LINGO1: variants seen among roughly 807,000 people sequenced by gnomAD.
The protein encoded by LINGO1 is leucine-rich repeat and immunoglobulin-like domain-containing nogo receptor-interacting protein 1.
In LINGO1, 11 loss-of-function variants were observed where a neutral mutation model predicts 37.3. The ratio of observed to expected loss-of-function variants is 0.29; its 90% CI spans 0.19 to 0.49. The LOEUF is 0.49. Ranked by LOEUF, LINGO1 falls within the 20% of genes least tolerant of loss-of-function variation. The probability of loss-of-function intolerance (pLI) is 0.99; values close to 1 mark genes in which losing one functional copy is unlikely to be tolerated. For synonymous variants in LINGO1, 387 were observed against 403.0 expected (o/e 0.96, Z 0.48); for missense variants, 585 against 878.2 (o/e 0.67, Z 4.22).
At chr15:77,628,594 A>G (rs1363681701) in intron 1 of LINGO1, among the ~76,000 whole-genome samples, 1 of 152,176 alleles carries the variant, frequency 6.6e-6, no homozygotes, top group Admixed American at 6.5e-5. Flanking sequence ...AAAAGAGGCA[A>G]CGGGACGGGG....
rs1039243613 is a variant in LINGO1 at position 77,672,529 on chromosome 15, T to C, written c.-13+4560A>G. On this transcript the variant is annotated intron_variant, in intron 3 of 3. Transcript: ENST00000559893. ...GGGGTGTCAGGGGGCGCTCTGTGCC[T>C]GGAGACCTTCCAGCCTCCAGAATCC... 2.0e-5 allele frequency among the ~76,000 whole-genome samples: 3 copies of C among 152,166 alleles called. No individual in the cohort carries two copies. In the East Asian group the frequency reaches 5.8e-4, roughly 29 times the overall value.
chr15:77,716,043 C>T (rs1170477469), intron 2 of LINGO1, among the ~76,000 whole-genome samples: 1 of 152,218 alleles, frequency 6.6e-6, no homozygotes, highest in East Asian at 1.9e-4. Context: ...AGCCACTTAA[C>T]AGGCGACCAG....
chr15:77,743,818 C>G (rs12914292), intron 1 of LINGO1, among the ~76,000 whole-genome samples: 24,080 of 149,494 alleles, frequency 0.16, 2,865 homozygotes, highest in African/African-American at 0.35. Context: ...AGCCAGACTG[C>G]GGGGGTGGGG....
intron 1 of LINGO1, among the ~76,000 whole-genome samples, chr15:77,747,989 G>A (rs770708571): frequency 3.9e-5 from 6 of 152,332 alleles, no homozygotes; most frequent in Admixed American, 1.3e-4. Flanking sequence ...GCCAAAGGGC[G>A]CACAGCTGGT....
intron 2 of LINGO1, among the ~76,000 whole-genome samples, chr15:77,684,787 C>T (rs561713856): frequency 6.6e-6 from 1 of 152,286 alleles, no homozygotes; most frequent in Admixed American, 6.5e-5. Context: ...CTCCCATGCA[C>T]CTACTGTGTG....
intron 3 of LINGO1, among the ~76,000 whole-genome samples, chr15:77,666,061 C>A (rs1400963976): frequency 1.3e-5 from 2 of 152,222 alleles, no homozygotes; most frequent in Non-Finnish European, 2.9e-5. Context: ...GTGCTTGGAC[C>A]CTCCAGAGGG....
intron 3 of LINGO1, chr15:77,642,054 A>G (rs2074519304): frequency 2.2e-6 from 1 of 450,436 alleles, no homozygotes; most frequent in Admixed American, 2.4e-5. Flanking sequence ...CTAAGAGCAT[A>G]TGCGTGTGAC....
At chr15:77,775,767 T>C (rs1235429320) in intron 1 of LINGO1, among the ~76,000 whole-genome samples, 1 of 151,642 alleles carries the variant, frequency 6.6e-6, no homozygotes, top group African/African-American at 2.4e-5. Flanking sequence ...TTCCTAAGTC[T>C]GAAAATTTCT....
intron 1 of LINGO1, among the ~76,000 whole-genome samples, chr15:77,779,748 T>C (rs1157191157): frequency 6.6e-6 from 1 of 152,172 alleles, no homozygotes; most frequent in Non-Finnish European, 1.5e-5. Flanking sequence ...GCCCAGTTCC[T>C]AACAGGGCCA....
Position 77,804,832 on chromosome 15 carries a change from G to A in LINGO1, c.-457-8779C>T, listed in dbSNP as rs568027551. On this transcript the variant is annotated intron_variant, in intron 1 of 5. Transcript: ENST00000562933. ...GCCCCAGGTCCCTCCTGGGTACTGC[G>A]GTTACCACCTCCCACGTTATAGTGA... Among the ~76,000 whole-genome samples the A allele has an allele frequency of 3.3e-5, 5 of 152,286 alleles. No homozygotes were observed. The South Asian group carries it at 8.3e-4, about 25-fold the overall frequency.
intron 1 of LINGO1, among the ~76,000 whole-genome samples, chr15:77,809,936 C>T (rs2076989912): frequency 6.6e-6 from 1 of 152,134 alleles, no homozygotes; most frequent in Non-Finnish European, 1.5e-5. Context: ...CGCTGCAGGG[C>T]TGGAGAGCAG....
Position 77,723,633 on chromosome 15 carries a change from G to A in LINGO1, c.-195+11359C>T, listed in dbSNP as rs371257900. ...GAGTGCACAGCCAAGTCCTGGACCC[G>A]GGCCCCACCCTAGTCCAGGCTCAGC... On this transcript the variant is annotated intron_variant, in intron 2 of 3. Coordinates refer to the LINGO1 transcript ENST00000561686. 1.4e-4 allele frequency among the ~76,000 whole-genome samples: 22 copies of A among 152,228 alleles called. No homozygotes were observed. In the East Asian group the frequency reaches 2.5e-3, roughly 17 times the overall value.
intron 2 of LINGO1, among the ~76,000 whole-genome samples, chr15:77,732,437 G>A (rs529390392): frequency 1.1e-3 from 174 of 152,220 alleles, no homozygotes; most frequent in Non-Finnish European, 2.0e-3. Flanking sequence ...TGAAGGTAGC[G>A]CTAGCTTGCG....
In LINGO1 at chr15:77,704,674, C is replaced by T. The variant is rs116151897; in HGVS notation, c.-194-13773G>A. 1.2e-3 allele frequency among the ~76,000 whole-genome samples: 183 copies of T among 151,906 alleles called. 1 individual carries two copies. Among genetic ancestry groups the T allele is most frequent in the African/African-American group, 4.3e-3 (178 of 41,404 alleles). ...CTGACCCTGGTCAGACACTGAGCCCCGAGCCTAGTCACAGACTGGGCTCGG... is the reference window on the plus strand; with the variant it reads ...CTGACCCTGGTCAGACACTGAGCCCTGAGCCTAGTCACAGACTGGGCTCGG... On this transcript the variant is annotated intron_variant, in intron 2 of 3. Transcript: ENST00000561686.
intron 2 of LINGO1, among the ~76,000 whole-genome samples, chr15:77,720,280 G>A (rs758136415): frequency 1.3e-5 from 2 of 152,216 alleles, no homozygotes; most frequent in African/African-American, 4.8e-5. Flanking sequence ...AGTAAACGGC[G>A]TTTTTATTCT....
intron 1 of LINGO1, among the ~76,000 whole-genome samples, chr15:77,739,048 C>T (rs1343741575): frequency 1.3e-5 from 2 of 152,224 alleles, no homozygotes; most frequent in Non-Finnish European, 2.9e-5. Context: ...GGATAACAGG[C>T]CCAGCAGCCC....
chr15:77,630,292 C>G, intron 1 of LINGO1, among the ~76,000 whole-genome samples: 1 of 152,146 alleles, frequency 6.6e-6, no homozygotes, highest in East Asian at 1.9e-4. Context: ...CAGGAACACG[C>G]CCCAACCCCA....
chr15:77,810,114 G>T (rs1301044213), intron 1 of LINGO1, among the ~76,000 whole-genome samples: 1 of 151,968 alleles, frequency 6.6e-6, no homozygotes, highest in African/African-American at 2.4e-5. Flanking sequence ...CTATGGACAG[G>T]AGACCAGTCT....
rs368393487 is a variant in LINGO1 at position 77,757,704 on chromosome 15, G to A, written c.-256-22651C>T. On this transcript the variant is annotated intron_variant, in intron 1 of 3. Coordinates refer to the LINGO1 transcript ENST00000561686. ...GGACAGGGCAAAGAGAGCCAGCAGG[G>A]GCAGGGAGTTGTCCTAAGGGACAGA... 2.6e-5 allele frequency among the ~76,000 whole-genome samples: 4 copies of A among 152,334 alleles called. No homozygotes were observed. In the East Asian group the frequency reaches 7.7e-4, roughly 29 times the overall value.
Sources: gnomAD v4.1 joint callset for allele counts (sites outside exome capture counted in the v4.1 genomes callset) on GRCh38, gnomAD v4.1.1 for gene constraint, MANE v1.5 for transcripts, NCBI Gene and HGNC (gene_info 2026-07-23, HGNC 2026-07-21) for gene names.